The following IL2RA variants were observed in gnomAD, a reference collection of about 807,000 sequenced individuals.
IL2RA encodes interleukin 2 receptor subunit alpha.
Under a neutral mutation model 37.8 loss-of-function variants are expected in IL2RA, and 24 were observed. The ratio of observed to expected loss-of-function variants is 0.63; its 90% CI spans 0.46 to 0.89. The LOEUF (loss-of-function observed/expected upper bound fraction) is 0.89, where lower values mean the gene tolerates loss of function less well. IL2RA is among the 40% of genes least tolerant of loss of function. IL2RA has a pLI of 0.00. For missense variants in IL2RA, 319 were observed against 348.6 expected, an observed-to-expected ratio of 0.92 and a Z score of 0.68; for synonymous variants, 125 against 114.6, an observed-to-expected ratio of 1.09 and a Z score of -0.58.
intron 7 of IL2RA, chr10:6,016,961 C>A (rs1402026604): frequency 6.6e-6 from 1 of 152,190 alleles, no homozygotes; most frequent in East Asian, 1.9e-4. Context: ...CAAATTTGTT[C>A]TTCTATTGTT....
chr10:6,040,806 AT>A (rs1395122035), intron 1 of IL2RA, among the ~76,000 whole-genome samples: 6 of 152,244 alleles, frequency 3.9e-5, no homozygotes, highest in Non-Finnish European at 8.8e-5. Context: ...GAAGATAAAA[AT>A]AATCATTCTA....
In IL2RA at chr10:6,025,501, CAA is replaced by C. The variant is rs1373825262; in HGVS notation, c.256+331_256+332del. Among the ~76,000 whole-genome samples, 1 of 144,728 alleles carries C rather than the reference CAA, an allele frequency of 6.9e-6. No homozygotes were observed. Among genetic ancestry groups the C allele is most frequent in the Non-Finnish European group, 1.5e-5 (1 of 65,544 alleles). The allele number at this position is 144,728 out of a possible 152,430, so 94.9% of individuals were successfully genotyped here. A position where few individuals can be genotyped will look rare whatever the true frequency, so the allele number is the denominator to read the frequency against. ...TGAAACCCCATCTCTACTAAAAATG[CAA>C]AAATTAGCCAGGCATGGTGGAGGGT... On this transcript the variant is annotated intron_variant, in intron 2 of 7. Coordinates refer to ENST00000379959, the MANE Select transcript of IL2RA (RefSeq NM_000417.3). The surrounding 1 kb of genome is among the most constrained non-coding windows in gnomAD (Gnocchi z 4.4).
At chr10:6,027,037 G>A (rs569821544) in intron 1 of IL2RA, among the ~76,000 whole-genome samples, 1 of 152,148 alleles carries the variant, frequency 6.6e-6, no homozygotes, top group South Asian at 2.1e-4. Flanking sequence ...CTGAAGGTAG[G>A]GAGGCTGGGT....
Position 6,056,185 on chromosome 10 carries a change from T to C in IL2RA, c.64+5903A>G, listed in dbSNP as rs548935309. ...GGGGCTATTGGCAAACACTGTTGGC[T>C]GACTTCAGAATGGGAGCCATTCAGC... On this transcript the variant is annotated intron_variant, in intron 1 of 7. Coordinates refer to ENST00000379959, the MANE Select transcript of IL2RA (RefSeq NM_000417.3). This position sits in a 1 kb window ranked among gnomAD's most constrained non-coding sequence, Gnocchi z 5.0. Among the ~76,000 whole-genome samples, 1 of 152,346 alleles carries C rather than the reference T, an allele frequency of 6.6e-6. No homozygotes were observed. Among genetic ancestry groups the C allele is most frequent in the East Asian group, 1.9e-4 (1 of 5,186 alleles).
At chr10:6,049,019 A>G (rs1259765638) in intron 1 of IL2RA, among the ~76,000 whole-genome samples, 1 of 152,236 alleles carries the variant, frequency 6.6e-6, no homozygotes, top group Non-Finnish European at 1.5e-5. Flanking sequence ...AGAGAAACAA[A>G]ACCAATAGGA....
chr10:6,036,191 A>G lies in IL2RA; in HGVS notation c.65-10166T>C, dbSNP rs1443460511. The G allele has an allele frequency of 1.3e-5, 2 of 152,214 alleles. No homozygotes were observed. Among genetic ancestry groups the G allele is most frequent in the African/African-American group, 4.8e-5 (2 of 41,454 alleles). The allele number at this position is 152,214 out of a possible 1,614,324, so 9.4% of individuals were successfully genotyped here. A position where few individuals can be genotyped will look rare whatever the true frequency, so the allele number is the denominator to read the frequency against. ...CTCTTTGTGTGCCCGCTAGAAAGGGAAAAGCCAGGCATTTGTAGTCCTCCT... is the reference window on the plus strand; with the variant it reads ...CTCTTTGTGTGCCCGCTAGAAAGGGGAAAGCCAGGCATTTGTAGTCCTCCT... On this transcript the variant is annotated intron_variant, in intron 1 of 7. Coordinates refer to ENST00000379959, the MANE Select transcript of IL2RA (RefSeq NM_000417.3). The surrounding 1 kb of genome is among the most constrained non-coding windows in gnomAD (Gnocchi z 6.1).
At position 6,014,262 on chromosome 10, in the gene IL2RA, A is replaced by T. The variant is rs1839241133; in HGVS notation, c.795-1366T>A. 6.6e-6 allele frequency among the ~76,000 whole-genome samples: 1 copy of T among 152,196 alleles called. No homozygotes were observed. Among genetic ancestry groups the T allele is most frequent in the Non-Finnish European group, 1.5e-5 (1 of 68,046 alleles). The stretch of plus-strand genomic sequence containing the variant: ...TGGTCATTGCCCGAAACAAACAAAA[A>T]ATATTTCCCCAACCAAAACTCTCTG... On this transcript the variant is annotated intron_variant, in intron 7 of 7. Coordinates refer to ENST00000379959, the MANE Select transcript of IL2RA (RefSeq NM_000417.3). The surrounding 1 kb of genome is among the most constrained non-coding windows in gnomAD (Gnocchi z 4.4).
chr10:6,049,387 C>T (rs1839912584), intron 1 of IL2RA, among the ~76,000 whole-genome samples: 1 of 152,180 alleles, frequency 6.6e-6, no homozygotes, highest in African/African-American at 2.4e-5. Flanking sequence ...AGAAATTTAC[C>T]CAGTCTATTC....
At chr10:6,027,452 T>G (rs1839503076) in intron 1 of IL2RA, among the ~76,000 whole-genome samples, 1 of 152,130 alleles carries the variant, frequency 6.6e-6, no homozygotes, top group African/African-American at 2.4e-5. Context: ...GCAACATAAG[T>G]GCTCAATAAA....
intron 1 of IL2RA, among the ~76,000 whole-genome samples, chr10:6,031,044 A>C (rs1564545661): frequency 1.3e-5 from 2 of 152,088 alleles, no homozygotes; most frequent in Non-Finnish European, 2.9e-5. Flanking sequence ...GAAAAGGAAG[A>C]ATAGAGTAAT....
rs547143890 is a variant in IL2RA at position 6,014,873 on chromosome 10, T to G, written c.795-1977A>C. On this transcript the variant is annotated intron_variant, in intron 7 of 7. Transcript: ENST00000379959. This position sits in a 1 kb window ranked among gnomAD's most constrained non-coding sequence, Gnocchi z 4.4. ...AGTATGTTATGGACCTGATGACCCA[T>G]ATAAGAAGGGAAGAGATATTTTATT... Among the ~76,000 whole-genome samples the G allele has an allele frequency of 6.6e-6, 1 of 152,062 alleles. No individual in the cohort carries two copies. Among genetic ancestry groups the G allele is most frequent in the Non-Finnish European group, 1.5e-5 (1 of 68,000 alleles).
At chr10:6,053,693 C>T (rs1840000454) in intron 1 of IL2RA, among the ~76,000 whole-genome samples, 2 of 152,208 alleles carry the variant, frequency 1.3e-5, no homozygotes. Context: ...TGGGGTCTCA[C>T]TATGTTGCCC....
At chr10:6,061,007 G>T (rs1840113820) in intron 1 of IL2RA, among the ~76,000 whole-genome samples, 1 of 152,176 alleles carries the variant, frequency 6.6e-6, no homozygotes, top group South Asian at 2.1e-4. Context: ...GTCTTCCTGA[G>T]TAAGCAAAGG....
rs1840134020 is a variant in IL2RA, at chr10:6,062,286, C to T, written c.-135G>A. On this transcript the variant is annotated 5_prime_UTR_variant, in exon 1 of 8. The change creates a new upstream start codon in the 5' untranslated region. Transcript: ENST00000379959. ...GAAGATCGGTCCGCCTGGGCTGTCA[C>T]CCTTGTGGGTCCATCCAGTCTCTAT... The T allele has an allele frequency of 1.4e-6, 1 of 724,876 alleles. No individual in the cohort carries two copies. Among genetic ancestry groups the T allele is most frequent in the South Asian group, 1.6e-5 (1 of 63,234 alleles). 44.9% of individuals were successfully genotyped at this position (724,876 alleles called of 1,614,324 possible). A position where few individuals can be genotyped will look rare whatever the true frequency, so the allele number is the denominator to read the frequency against.
Position 6,028,760 on chromosome 10 carries a change from C to T in IL2RA, c.65-2735G>A, listed in dbSNP as rs544969781. ...TGCCTGTAATCCCAGCACTTTGGGG[C>T]GACAAGGCAGGCGGATCATCTGAGG... On this transcript the variant is annotated intron_variant, in intron 1 of 7. Coordinates refer to ENST00000379959, the MANE Select transcript of IL2RA (RefSeq NM_000417.3). The surrounding 1 kb of genome is among the most constrained non-coding windows in gnomAD (Gnocchi z 4.1). Among the ~76,000 whole-genome samples the T allele has an allele frequency of 1.3e-5, 2 of 152,054 alleles. No individual in the cohort carries two copies. Among genetic ancestry groups the T allele is most frequent in the African/African-American group, 4.8e-5 (2 of 41,406 alleles).
chr10:6,019,884 A>C lies in IL2RA; in HGVS notation c.641T>G (p.Leu214Arg), dbSNP rs1466323128. Residue 214 changes from leucine to arginine, a missense_variant, in exon 5 of 8, where the codon CTC becomes CGC. Physicochemically the swap from Leu to Arg is moderately radical, Grantham distance 102. Coordinates refer to ENST00000379959, the MANE Select transcript of IL2RA (RefSeq NM_000417.3). ...TTCTCCCGCACCTGTTGTTGTGACG[A>C]GGCAGGAAGTCTCACTCTCAGGACG... ...EGRPESETSC[L>R]VTTTDFQIQT... 1 of 1,614,040 alleles carries C rather than the reference A, an allele frequency of 6.2e-7. No homozygotes were observed. Among genetic ancestry groups the C allele is most frequent in the Non-Finnish European group, 8.5e-7 (1 of 1,179,942 alleles).
Position 6,044,060 on chromosome 10 carries a change from A to G in IL2RA, c.64+18028T>C, listed in dbSNP as rs1839812889. Reference sequence around the variant, plus strand: ...CTCAGTGGCAAGTCCACAGCGGGGAAAGTCTAACTCCCAATTTTATTTATG... The same window carrying G: ...CTCAGTGGCAAGTCCACAGCGGGGAGAGTCTAACTCCCAATTTTATTTATG... On this transcript the variant is annotated intron_variant, in intron 1 of 7. Transcript: ENST00000379959. This position sits in a 1 kb window ranked among gnomAD's most constrained non-coding sequence, Gnocchi z 4.5. Among the ~76,000 whole-genome samples the G allele has an allele frequency of 6.6e-6, 1 of 152,224 alleles. No individual in the cohort carries two copies.
At chr10:6,016,126 G>A (rs1170362400) in intron 7 of IL2RA, among the ~76,000 whole-genome samples, 2 of 152,100 alleles carry the variant, frequency 1.3e-5, no homozygotes, top group East Asian at 3.8e-4. Flanking sequence ...GTGAGATCTT[G>A]AAGAGGTGAT....
intron 1 of IL2RA, among the ~76,000 whole-genome samples, chr10:6,041,612 AAATC>A (rs765111202): frequency 2.0e-5 from 3 of 152,234 alleles, no homozygotes; most frequent in Non-Finnish European, 4.4e-5. Flanking sequence ...CAATAAATAT[AAATC>A]AATTAAGCTT....
Sources: gnomAD v4.1 joint callset for allele counts (sites outside exome capture counted in the v4.1 genomes callset) on GRCh38, gnomAD v4.1.1 for gene constraint, Gnocchi (gnomAD v3.1) non-coding constraint, MANE v1.5 for transcripts, NCBI Gene and HGNC (gene_info 2026-07-23, HGNC 2026-07-21) for gene names.